Variants in RRM2 observed in about 807,000 individuals in gnomAD.
RRM2 encodes ribonucleotide reductase regulatory subunit M2, also known as ribonucleoside-diphosphate reductase subunit M2.
In RRM2, 6 loss-of-function variants were observed where a neutral mutation model predicts 45.9. The observed-to-expected ratio is 0.13, with a 90% CI of 0.07 to 0.26. The LOEUF is 0.26. RRM2 is among the 10% of genes least tolerant of loss of function. The probability of loss-of-function intolerance (pLI) is 1.00; values close to 1 mark genes in which losing one functional copy is unlikely to be tolerated. For missense variants in RRM2, 343 were observed against 489.5 expected (o/e 0.70, Z 2.82); for synonymous variants, 177 against 173.0 (o/e 1.02, Z -0.18).
At position 10,209,616 on chromosome 2, in the gene RRM2, CGTGTGTGT is replaced by C. The variant is rs57435746; in HGVS notation, n.483-680_483-673del. 2.2e-3 allele frequency among the ~76,000 whole-genome samples: 330 copies of C among 150,680 alleles called. 1 individual carries two copies. Among genetic ancestry groups the C allele is most frequent in the African/African-American group, 7.8e-3 (320 of 41,052 alleles). Reference sequence around the variant, plus strand: ...GCGCGCGCGTGTGTGTGCGTGCATGCGTGTGTGTGTGTGTGTGTGTGTTGGGATCGGCT... The same window carrying C: ...GCGCGCGCGTGTGTGTGCGTGCATGCGTGTGTGTGTGTGTTGGGATCGGCT... On this transcript the variant is annotated intron_variant and non_coding_transcript_variant, in intron 3 of 3. Transcript: ENST00000381786.
intron 3 of RRM2, among the ~76,000 whole-genome samples, chr2:10,156,880 C>A (rs988295498): frequency 6.6e-6 from 1 of 152,170 alleles, no homozygotes; most frequent in African/African-American, 2.4e-5. Flanking sequence ...CTCGAGTGAT[C>A]CTTCTGCCTC....
rs1206378015 is a variant in RRM2, at chr2:10,122,795, C to T, written c.-4C>T. On this transcript the variant is annotated 5_prime_UTR_variant, in exon 1 of 10. Transcript: ENST00000304567. ...TGCTCGCTCTGCTTCGCTGCGCCTCCACTATGCTCTCCCTCCGTGTCCCGC... is the reference window on the plus strand; with the variant it reads ...TGCTCGCTCTGCTTCGCTGCGCCTCTACTATGCTCTCCCTCCGTGTCCCGC... The T allele has an allele frequency of 6.3e-7, 1 of 1,587,840 alleles. No individual in the cohort carries two copies. Among genetic ancestry groups the T allele is most frequent in the South Asian group, 1.2e-5 (1 of 86,904 alleles).
rs370999204 is a variant in RRM2, at chr2:10,142,269, G to T, written n.376G>T. On this transcript the variant is annotated non_coding_transcript_exon_variant, in exon 3 of 4. Transcript: ENST00000381786. ...TCATTTCTAAGGGGATGAGAAGCTCGGGAAGGTCTGACCAGCCTTACGTCT... is the reference window on the plus strand; with the variant it reads ...TCATTTCTAAGGGGATGAGAAGCTCTGGAAGGTCTGACCAGCCTTACGTCT... 7.3e-5 allele frequency: 106 copies of T among 1,448,966 alleles called. 2 individuals are homozygous for T. In the Middle Eastern group the frequency reaches 9.6e-4, roughly 13 times the overall value. The allele number at this position is 1,448,966 out of a possible 1,614,324, so 89.8% of individuals were successfully genotyped here.
At chr2:10,143,936 G>A (rs563748708) in intron 3 of RRM2, among the ~76,000 whole-genome samples, 1 of 152,332 alleles carries the variant, frequency 6.6e-6, no homozygotes, top group Non-Finnish European at 1.5e-5. Flanking sequence ...AAAGTGCTGG[G>A]ATTACAGGCG....
At chr2:10,207,866 TAA>T (rs1367194765) in intron 3 of RRM2, among the ~76,000 whole-genome samples, 1 of 152,086 alleles carries the variant, frequency 6.6e-6, no homozygotes, top group East Asian at 1.9e-4. Context: ...TTCCTATAGG[TAA>T]AAGCCTTCCT....
rs1221010588 is a variant in RRM2, at chr2:10,169,755, T to A, written n.482+27380T>A. On this transcript the variant is annotated intron_variant and non_coding_transcript_variant, in intron 3 of 3. Transcript: ENST00000381786. The surrounding 1 kb of genome is among the most constrained non-coding windows in gnomAD (Gnocchi z 5.1). ...GGAGAGCTGGCCTCCGCACTGGGCT[T>A]CCTGAGGACGGGAGCAGGAGCAGGA... Among the ~76,000 whole-genome samples, 2 of 152,148 alleles carry A rather than the reference T, an allele frequency of 1.3e-5. No homozygotes were observed. The highest frequency in any genetic ancestry group is 2.9e-5 in the Non-Finnish European group (2 of 68,014).
intron 5 of RRM2, chr2:10,126,483 A>G (rs1004523738): frequency 5.6e-6 from 1 of 178,380 alleles, no homozygotes; most frequent in Non-Finnish European, 1.2e-5. Flanking sequence ...GTCTGATAAT[A>G]GCACAGCAGT....
intron 3 of RRM2, among the ~76,000 whole-genome samples, chr2:10,206,932 C>T (rs1664675579): frequency 1.3e-5 from 2 of 152,150 alleles, no homozygotes; most frequent in Admixed American, 1.3e-4. Flanking sequence ...TTCGGATACA[C>T]AAAAGCTGAG....
chr2:10,123,949 C>A (rs1662725964), intron 4 of RRM2, 97 bp downstream of exon 4: 9 of 745,516 alleles, frequency 1.2e-5, no homozygotes, highest in Non-Finnish European at 1.9e-5. Flanking sequence ...ATGCTGAGTG[C>A]ATCTGTGTGT....
At chr2:10,162,336 C>T (rs1282812729) in intron 3 of RRM2, among the ~76,000 whole-genome samples, 3 of 152,138 alleles carry the variant, frequency 2.0e-5, no homozygotes, top group South Asian at 4.1e-4. Flanking sequence ...TGCGGCGTCT[C>T]GATGTGTGTG....
intron 3 of RRM2, among the ~76,000 whole-genome samples, chr2:10,178,191 C>T (rs556014103): frequency 5.4e-5 from 8 of 147,462 alleles, no homozygotes; most frequent in Admixed American, 4.8e-4. Flanking sequence ...CTCCCAAAGT[C>T]CTGGGATTAC....
chr2:10,122,819 G>C lies in RRM2; in HGVS notation c.21G>C (p.Pro7=). 1 of 1,595,730 alleles carries C rather than the reference G, an allele frequency of 6.3e-7. No homozygotes were observed. The highest frequency in any genetic ancestry group is 8.5e-7 in the Non-Finnish European group (1 of 1,172,706). MLSLRV[P]LAPITDPQQL... is the part of the protein sequence containing the mutation. Reference sequence around the variant, plus strand: ...CCACTATGCTCTCCCTCCGTGTCCCGCTCGCGCCCATCACGGACCCGCAGC... The same window carrying C: ...CCACTATGCTCTCCCTCCGTGTCCCCCTCGCGCCCATCACGGACCCGCAGC... The change falls in exon 1 of 10, where the codon CCG becomes CCC. Residue 7 remains proline, a synonymous_variant. Transcript: ENST00000304567.
At chr2:10,164,094 G>C (rs1663630515) in intron 3 of RRM2, among the ~76,000 whole-genome samples, 1 of 152,072 alleles carries the variant, frequency 6.6e-6, no homozygotes, top group East Asian at 1.9e-4. Context: ...ATATGAGTGT[G>C]TGTGTGTGGC....
At chr2:10,173,587 G>A (rs1001473805) in intron 3 of RRM2, among the ~76,000 whole-genome samples, 4 of 152,238 alleles carry the variant, frequency 2.6e-5, no homozygotes, top group African/African-American at 7.2e-5. Context: ...AGGGCTCTGC[G>A]GAGCTTGGGA....
At chr2:10,134,035 C>T (rs990338653), downstream of RRM2, among the ~76,000 whole-genome samples, 19 of 151,840 alleles carry the variant, frequency 1.3e-4, no homozygotes, top group East Asian at 1.2e-3. Flanking sequence ...AAAATTTAGC[C>T]GGGTGTGGTG....
exon 2 of RRM2, chr2:10,141,911 A>ACGGGCGGC (rs1663088453): frequency 6.3e-7 from 1 of 1,577,784 alleles, no homozygotes; most frequent in African/African-American, 1.3e-5. Context: ...GGGAGACAGC[A>ACGGGCGGC]CGCCAGTGAG....
intron 3 of RRM2, among the ~76,000 whole-genome samples, chr2:10,181,287 G>A (rs1255298287): frequency 6.6e-6 from 1 of 151,176 alleles, no homozygotes; most frequent in East Asian, 2.0e-4. Flanking sequence ...GCAAGAGGCA[G>A]CATATTGCAA....
chr2:10,188,257 C>G (rs1664212850), intron 3 of RRM2, among the ~76,000 whole-genome samples: 1 of 152,208 alleles, frequency 6.6e-6, no homozygotes, highest in African/African-American at 2.4e-5. Flanking sequence ...TCGGGCTGCT[C>G]TAGCAGAAGG....
At chr2:10,199,293 G>GT (rs1458084089) in intron 3 of RRM2, 1 of 135,762 alleles carries the variant, frequency 7.4e-6, no homozygotes, top group Non-Finnish European at 1.6e-5. Context: ...AAAAAAGGGG[G>GT]GGGGGAAGGA....
Sources: allele counts gnomAD v4.1 joint callset (sites outside exome capture counted in the v4.1 genomes callset), GRCh38; gene constraint gnomAD v4.1.1; non-coding constraint Gnocchi (gnomAD v3.1); transcripts MANE v1.5; gene names NCBI Gene and HGNC (gene_info 2026-07-23, HGNC 2026-07-21).